GNAL: variants seen among roughly 807,000 people sequenced by gnomAD.
GNAL encodes guanine nucleotide-binding protein G(olf) subunit alpha.
A neutral mutation model predicts 55.1 loss-of-function variants in GNAL; 18 were observed. That is an observed-to-expected ratio of 0.33 (90% confidence interval 0.23 to 0.48). GNAL has a LOEUF of 0.48. GNAL is among the 20% of genes least tolerant of loss of function. The pLI, the probability that GNAL is intolerant of heterozygous loss-of-function variation, is 0.99. For missense variants in GNAL, 412 were observed against 614.1 expected (o/e 0.67, Z 3.48); for synonymous variants, 253 against 237.0 (o/e 1.07, Z -0.62).
rs1247976761 is a variant in GNAL at position 11,765,249 on chromosome 18, GTAAT to G, written c.624+11308_624+11311del. Among the ~76,000 whole-genome samples the G allele has an allele frequency of 2.0e-5, 3 of 152,172 alleles. No homozygotes were observed. In the East Asian group the frequency reaches 5.8e-4, roughly 29 times the overall value. On this transcript the variant is annotated intron_variant, in intron 4 of 11. Coordinates refer to ENST00000334049, the MANE Select transcript of GNAL (RefSeq NM_182978.4). The stretch of plus-strand genomic sequence containing the variant: ...AGAAAATGAATTAAAAGGCCACAAA[GTAAT>G]TAAGGCAACTTTTTTTGGTTTTTAA...
intron 1 of GNAL, among the ~76,000 whole-genome samples, chr18:11,693,939 A>G (rs1462784190): frequency 2.1e-5 from 3 of 145,362 alleles, no homozygotes; most frequent in African/African-American, 7.8e-5. Flanking sequence ...TGCAGCCTGG[A>G]CCTCCCCAGC....
At chr18:11,755,850 CT>C (rs1458894522) in intron 4 of GNAL, among the ~76,000 whole-genome samples, 7 of 152,154 alleles carry the variant, frequency 4.6e-5, no homozygotes, top group African/African-American at 1.7e-4. Flanking sequence ...TGCAGATGTC[CT>C]CCCGGTTCTC....
At chr18:11,831,058 G>A (rs180945503) in intron 5 of GNAL, among the ~76,000 whole-genome samples, 11 of 152,114 alleles carry the variant, frequency 7.2e-5, no homozygotes, top group African/African-American at 9.7e-5. Flanking sequence ...TTGGATAGTG[G>A]TGATAGTTGC....
At chr18:11,845,049 A>G (rs918092090) in intron 5 of GNAL, among the ~76,000 whole-genome samples, 1 of 151,994 alleles carries the variant, frequency 6.6e-6, no homozygotes, top group African/African-American at 2.4e-5. Context: ...TATTTTTAGT[A>G]AAGACAGGGT....
chr18:11,834,224 T>G (rs901085790), intron 5 of GNAL, among the ~76,000 whole-genome samples: 21 of 152,184 alleles, frequency 1.4e-4, no homozygotes, highest in Non-Finnish European at 2.5e-4. Flanking sequence ...AATTCAGTGG[T>G]CTTAGATGAC....
chr18:11,801,395 A>G (rs2034518610), intron 4 of GNAL, among the ~76,000 whole-genome samples: 1 of 152,208 alleles, frequency 6.6e-6, no homozygotes, highest in African/African-American at 2.4e-5. Flanking sequence ...TCTACTAAAA[A>G]TATAAAAATT....
chr18:11,768,294 G>A (rs1466746472), intron 4 of GNAL, among the ~76,000 whole-genome samples: 1 of 152,148 alleles, frequency 6.6e-6, no homozygotes, highest in African/African-American at 2.4e-5. Flanking sequence ...GTGAAGGAAA[G>A]GATGTCTGTA....
intron 9 of GNAL, among the ~76,000 whole-genome samples, chr18:11,869,034 A>G (rs2036330166): frequency 6.6e-6 from 1 of 151,508 alleles, no homozygotes; most frequent in Admixed American, 6.6e-5. Flanking sequence ...CTACACCCAC[A>G]CCCACACACC....
At chr18:11,871,528 C>T (rs1262050) in intron 9 of GNAL, among the ~76,000 whole-genome samples, 2 of 152,154 alleles carry the variant, frequency 1.3e-5, no homozygotes, top group Non-Finnish European at 2.9e-5. Context: ...GGATTACAGG[C>T]GTGAGCCACC....
intron 1 of GNAL, among the ~76,000 whole-genome samples, chr18:11,748,651 G>A (rs1452015811): frequency 1.3e-5 from 2 of 151,996 alleles, no homozygotes; most frequent in East Asian, 3.9e-4. Flanking sequence ...CTAAATATCA[G>A]ACTTCCTTAA....
intron 1 of GNAL, among the ~76,000 whole-genome samples, chr18:11,731,359 G>T (rs1347285862): frequency 6.6e-6 from 1 of 152,194 alleles, no homozygotes; most frequent in Non-Finnish European, 1.5e-5. Context: ...TGTTGGCCAG[G>T]CTGGTTCTCC....
chr18:11,834,583 T>C (rs1451354563), intron 5 of GNAL, among the ~76,000 whole-genome samples: 1 of 150,560 alleles, frequency 6.6e-6, no homozygotes, highest in Non-Finnish European at 1.5e-5. Context: ...CTAAGTGGGG[T>C]GGTGTGTACC....
rs776312166 is a variant in GNAL at position 11,884,457 on chromosome 18, AC to A, written c.*3323del. On this transcript the variant is annotated 3_prime_UTR_variant, in exon 12 of 12. Coordinates refer to ENST00000334049, the MANE Select transcript of GNAL (RefSeq NM_182978.4). ...TGGCGCCTGCTCTTCATCTTGTCTTACGCTTTCCGAGCAAGTTCAAACCAGA... is the reference window on the plus strand; with the variant it reads ...TGGCGCCTGCTCTTCATCTTGTCTTAGCTTTCCGAGCAAGTTCAAACCAGA... The A allele has an allele frequency of 8.7e-6, 14 of 1,613,732 alleles. No individual in the cohort carries two copies. In the South Asian group the frequency reaches 1.4e-4, roughly 16 times the overall value.
intron 5 of GNAL, chr18:11,852,100 G>T: frequency 6.3e-7 from 1 of 1,599,696 alleles, no homozygotes; most frequent in South Asian, 1.1e-5. Flanking sequence ...CCGCCTTCGG[G>T]ATCAAGTGTG....
chr18:11,830,640 A>ATT (rs1480453513), intron 5 of GNAL, among the ~76,000 whole-genome samples: 1 of 152,214 alleles, frequency 6.6e-6, no homozygotes, highest in East Asian at 1.9e-4. Flanking sequence ...ACCCAAGAGA[A>ATT]TTAAAAACAT....
chr18:11,783,469 T>G (rs2033975982), intron 4 of GNAL, among the ~76,000 whole-genome samples: 1 of 152,250 alleles, frequency 6.6e-6, no homozygotes, highest in South Asian at 2.1e-4. Context: ...TTTTATATTG[T>G]GCCTGCAAAG....
At chr18:11,814,173 T>C (rs1214736842) in intron 4 of GNAL, among the ~76,000 whole-genome samples, 2 of 152,088 alleles carry the variant, frequency 1.3e-5, no homozygotes, top group Admixed American at 6.5e-5. Flanking sequence ...GGATAAACTC[T>C]AAAAGAAAAA....
At chr18:11,706,148 C>T (rs994570457) in intron 1 of GNAL, among the ~76,000 whole-genome samples, 1 of 151,722 alleles carries the variant, frequency 6.6e-6, no homozygotes, top group African/African-American at 2.4e-5. Context: ...TTATATATTT[C>T]AGAGATTAAC....
chr18:11,885,131 A>C lies in GNAL; in HGVS notation c.*3996A>C. The C allele has an allele frequency of 9.7e-7, 1 of 1,036,262 alleles. No homozygotes were observed. 64.2% of individuals were successfully genotyped at this position (1,036,262 alleles called of 1,614,324 possible). On this transcript the variant is annotated 3_prime_UTR_variant, in exon 12 of 12. Transcript: ENST00000334049. ...ACAACAGTGGCAAATGTTTTCATTT[A>C]CTTTGAATTTGAAAATGTTAGGGTT...
Sources: allele counts gnomAD v4.1 joint callset (sites outside exome capture counted in the v4.1 genomes callset), GRCh38; gene constraint gnomAD v4.1.1; transcripts MANE v1.5; gene names NCBI Gene and HGNC (gene_info 2026-07-23, HGNC 2026-07-21).